KHDRBS2: variants seen among roughly 807,000 people sequenced by gnomAD.
KHDRBS2 encodes KH domain-containing, RNA-binding, signal transduction-associated protein 2.
Under a neutral mutation model 44.3 loss-of-function variants are expected in KHDRBS2, and 26 were observed. That is an observed-to-expected ratio of 0.59 (90% CI 0.43 to 0.81). KHDRBS2 has a LOEUF of 0.81. Ranked by LOEUF, KHDRBS2 falls within the 40% of genes least tolerant of loss-of-function variation. KHDRBS2 has a pLI of 0.00. For synonymous variants in KHDRBS2, 194 were observed against 151.1 expected, an observed-to-expected ratio of 1.28 and a Z score of -2.08; for missense variants, 476 against 433.1, an observed-to-expected ratio of 1.10 and a Z score of -0.88.
intron 2 of KHDRBS2, among the ~76,000 whole-genome samples, chr6:62,074,272 T>G (rs1007702639): frequency 2.6e-5 from 4 of 151,856 alleles, no homozygotes; most frequent in Non-Finnish European, 5.9e-5. Context: ...AATAAATGTG[T>G]GCTGTGTTAA....
At chr6:61,592,079 G>A in the KHDRBS2 span, among the ~76,000 whole-genome samples, 2 of 151,050 alleles carry the variant, frequency 1.3e-5, no homozygotes, top group African/African-American at 4.9e-5. Flanking sequence ...TAGTCCCAGT[G>A]ACTCTGGAGG....
chr6:62,085,204 C>T (rs1194335712), intron 2 of KHDRBS2, among the ~76,000 whole-genome samples: 1 of 151,948 alleles, frequency 6.6e-6, no homozygotes, highest in East Asian at 1.9e-4. Context: ...TTATTTGAGA[C>T]ACAAAACATG....
chr6:61,856,837 G>T (rs1310150623), intron 6 of KHDRBS2, among the ~76,000 whole-genome samples: 2 of 152,064 alleles, frequency 1.3e-5, no homozygotes, highest in Admixed American at 6.6e-5. Flanking sequence ...CGGATTGCTG[G>T]AGGTAGAGTG....
intron 6 of KHDRBS2, among the ~76,000 whole-genome samples, chr6:61,779,566 A>G (rs1582800234): frequency 6.6e-6 from 1 of 152,182 alleles, no homozygotes; most frequent in South Asian, 2.1e-4. Context: ...TTAAAGAATG[A>G]CTGAGAACAA....
chr6:61,765,461 T>C (rs531809532), intron 6 of KHDRBS2, among the ~76,000 whole-genome samples: 27 of 152,090 alleles, frequency 1.8e-4, no homozygotes, highest in African/African-American at 6.0e-4. Flanking sequence ...AAATAAACAA[T>C]AAAAAATAAA....
chr6:62,279,623 A>G (rs1293761960), intron 1 of KHDRBS2, among the ~76,000 whole-genome samples: 3 of 152,190 alleles, frequency 2.0e-5, no homozygotes, highest in African/African-American at 7.2e-5. Context: ...CCAGAAGTGC[A>G]CTTAATTTAT....
At chr6:61,612,281 C>T in the KHDRBS2 span, among the ~76,000 whole-genome samples, 1 of 152,072 alleles carries the variant, frequency 6.6e-6, no homozygotes, top group Non-Finnish European at 1.5e-5. Flanking sequence ...CTTTTTAGCA[C>T]TGAACATGGA....
chr6:62,268,398 T>C (rs1056660381), intron 1 of KHDRBS2, among the ~76,000 whole-genome samples: 1 of 152,074 alleles, frequency 6.6e-6, no homozygotes, highest in African/African-American at 2.4e-5. Context: ...CAGTCACTTA[T>C]GCTGTTGGGC....
chr6:61,965,653 T>C (rs1319989837), intron 4 of KHDRBS2, among the ~76,000 whole-genome samples: 1 of 151,814 alleles, frequency 6.6e-6, no homozygotes, highest in Admixed American at 6.6e-5. Context: ...TATTGTACAG[T>C]TATTTTTAAT....
chr6:61,767,047 T>G (rs1027517454), intron 6 of KHDRBS2, among the ~76,000 whole-genome samples: 2 of 152,068 alleles, frequency 1.3e-5, no homozygotes, highest in Non-Finnish European at 2.9e-5. Context: ...ATGCTGAAAA[T>G]AGGGTGTTGA....
chr6:62,115,043 T>C (rs1468448379), intron 2 of KHDRBS2, among the ~76,000 whole-genome samples: 1 of 152,136 alleles, frequency 6.6e-6, no homozygotes, highest in East Asian at 1.9e-4. Flanking sequence ...TGTCAACCTA[T>C]TTGCGATCAT....
intron 4 of KHDRBS2, among the ~76,000 whole-genome samples, chr6:61,929,913 T>G (rs1809692663): frequency 6.6e-6 from 1 of 152,172 alleles, no homozygotes; most frequent in Admixed American, 6.5e-5. Context: ...TTTTATTTCT[T>G]AACCTCCCTC....
the KHDRBS2 span, among the ~76,000 whole-genome samples, chr6:61,554,102 T>G: frequency 1.4e-3 from 215 of 152,288 alleles, no homozygotes; most frequent in Non-Finnish European, 2.3e-3. Flanking sequence ...ATTGGGGTGT[T>G]AAAGTCTTCC....
chr6:62,057,181 A>G (rs1293401096), intron 2 of KHDRBS2, among the ~76,000 whole-genome samples: 1 of 151,916 alleles, frequency 6.6e-6, no homozygotes, highest in Non-Finnish European at 1.5e-5. Flanking sequence ...ATAAAAGTAC[A>G]ATCTACCATT....
At chr6:62,101,349 G>T (rs1801860877) in intron 2 of KHDRBS2, among the ~76,000 whole-genome samples, 1 of 152,154 alleles carries the variant, frequency 6.6e-6, no homozygotes, top group Admixed American at 6.5e-5. Flanking sequence ...AACAGATTAT[G>T]TAGGGCTTTC....
At chr6:62,235,421 G>A (rs1275458947) in intron 1 of KHDRBS2, among the ~76,000 whole-genome samples, 1 of 151,940 alleles carries the variant, frequency 6.6e-6, no homozygotes, top group East Asian at 1.9e-4. Flanking sequence ...ACTTGAAACT[G>A]AAAGTCACAT....
chr6:62,078,725 G>A (rs894223184), intron 2 of KHDRBS2, among the ~76,000 whole-genome samples: 4 of 151,878 alleles, frequency 2.6e-5, no homozygotes, highest in Non-Finnish European at 5.9e-5. Flanking sequence ...CTAATATTCT[G>A]AAGAAAATTA....
chr6:62,061,923 T>G (rs1792030626), intron 2 of KHDRBS2, among the ~76,000 whole-genome samples: 1 of 151,816 alleles, frequency 6.6e-6, no homozygotes, highest in Non-Finnish European at 1.5e-5. Context: ...TTTCATTTAT[T>G]TCATCTTCCA....
chr6:62,145,851 A>C (rs1167734246), intron 2 of KHDRBS2, among the ~76,000 whole-genome samples: 8 of 151,932 alleles, frequency 5.3e-5, no homozygotes, highest in Non-Finnish European at 7.4e-5. Context: ...TTTCATGCAT[A>C]AAATTATCTA....
Sources: gnomAD v4.1 joint callset for allele counts (sites outside exome capture counted in the v4.1 genomes callset) on GRCh38, gnomAD v4.1.1 for gene constraint, MANE v1.5 for transcripts, NCBI Gene and HGNC (gene_info 2026-07-23, HGNC 2026-07-21) for gene names.